KLF13: variants seen among roughly 807,000 people sequenced by gnomAD.
The protein encoded by KLF13 is KLF transcription factor 13.
A neutral mutation model predicts 16.7 loss-of-function variants in KLF13; 8 were observed. The ratio of observed to expected loss-of-function variants is 0.48; its 90% CI spans 0.28 to 0.87. The LOEUF is 0.87. KLF13 is among the 40% of genes least tolerant of loss of function. KLF13 has a pLI of 0.10. For missense variants in KLF13, 447 were observed against 452.2 expected, an observed-to-expected ratio of 0.99 and a Z score of 0.10; for synonymous variants, 245 against 208.4, an observed-to-expected ratio of 1.18 and a Z score of -1.51.
At chr15:31,383,694 A>C (rs1259555602) in intron 1 of KLF13, among the ~76,000 whole-genome samples, 1 of 152,088 alleles carries the variant, frequency 6.6e-6, no homozygotes, top group African/African-American at 2.4e-5. Flanking sequence ...AGGTCAGGAG[A>C]TCGAGACCAT....
chr15:31,353,986 CA>C (rs2039259922), intron 1 of KLF13, among the ~76,000 whole-genome samples: 1 of 152,226 alleles, frequency 6.6e-6, no homozygotes, highest in African/African-American at 2.4e-5. Context: ...CTGAGCCCTT[CA>C]GACTCCAGGA....
chr15:31,369,420 C>G (rs1015373029), intron 1 of KLF13, among the ~76,000 whole-genome samples: 7 of 152,244 alleles, frequency 4.6e-5, no homozygotes, highest in African/African-American at 1.4e-4. Flanking sequence ...GGAAAAACCC[C>G]TAGAACCGAG....
chr15:31,428,816 A>AG (rs1475464217), intron 1 of KLF13, among the ~76,000 whole-genome samples: 14 of 148,304 alleles, frequency 9.4e-5, no homozygotes, highest in Non-Finnish European at 1.8e-4. Context: ...AAAAAAAAAA[A>AG]AAAAAAAAAG....
chr15:31,365,790 C>T (rs542537591), intron 1 of KLF13, among the ~76,000 whole-genome samples: 12 of 151,986 alleles, frequency 7.9e-5, no homozygotes, highest in Non-Finnish European at 1.6e-4. Flanking sequence ...GAGCTGGCTG[C>T]ATTTGCATGT....
chr15:31,329,058 T>C (rs1050089849), intron 1 of KLF13, among the ~76,000 whole-genome samples: 3 of 152,110 alleles, frequency 2.0e-5, no homozygotes, highest in Non-Finnish European at 2.9e-5. Context: ...GGGCCCAAGG[T>C]CTGCAGGTGA....
At chr15:31,410,582 A>AACACACACAC (rs71110871) in intron 1 of KLF13, among the ~76,000 whole-genome samples, 12 of 146,952 alleles carry the variant, frequency 8.2e-5, no homozygotes, top group Middle Eastern at 3.4e-3. Flanking sequence ...AACACCAACC[A>AACACACACAC]ACACACACAC....
Position 31,423,194 on chromosome 15 carries a change from T to TACGTATATATACGTATATATAC in KLF13, n.118-12175_118-12174insCGTATATATACGTATATATACA, listed in dbSNP as rs2040366071. On this transcript the variant is annotated intron_variant and non_coding_transcript_variant, in intron 1 of 1. Transcript: ENST00000558225. ...ATATATACATATATACGTATATATA[T>TACGTATATATACGTATATATAC]ATATCAGTAGCTCACTCAAATATAT... 3.5e-5 allele frequency among the ~76,000 whole-genome samples: 2 copies of TACGTATATATACGTATATATAC among 56,716 alleles called. 1 individual carries two copies. The highest frequency in any genetic ancestry group is 1.5e-4 in the African/African-American group (2 of 13,772). 37.2% of individuals were successfully genotyped at this position (56,716 alleles called of 152,430 possible).
intron 1 of KLF13, among the ~76,000 whole-genome samples, chr15:31,353,919 A>G (rs559156104): frequency 3.9e-5 from 6 of 152,328 alleles, no homozygotes; most frequent in South Asian, 2.1e-4. Context: ...TTCTGGGGAA[A>G]AAGTACACCC....
chr15:31,423,429 C>T (rs919241580), intron 1 of KLF13, among the ~76,000 whole-genome samples: 12 of 151,476 alleles, frequency 7.9e-5, no homozygotes, highest in South Asian at 6.3e-4. Flanking sequence ...GTCAGGAGTT[C>T]GAGACCAGGC....
chr15:31,396,994 C>T (rs1023072275), intron 2 of KLF13, among the ~76,000 whole-genome samples: 86 of 152,166 alleles, frequency 5.7e-4, no homozygotes, highest in African/African-American at 2.0e-3. Flanking sequence ...AGATCTCGTT[C>T]ACTGTCTGGG....
Position 31,375,593 on chromosome 15 carries a change from C to T in KLF13, c.*3294C>T, listed in dbSNP as rs6493629. On this transcript the variant is annotated 3_prime_UTR_variant, in exon 2 of 2. Coordinates refer to ENST00000307145, the MANE Select transcript of KLF13 (RefSeq NM_015995.4). ...CCCCTATAAAAGGCCTAAAATTGATCTGGGGCTCAGCCATCAAGGGGCTGG... is the reference window on the plus strand; with the variant it reads ...CCCCTATAAAAGGCCTAAAATTGATTTGGGGCTCAGCCATCAAGGGGCTGG... 89,528 of 151,898 alleles carry T rather than the reference C, an allele frequency of 0.59. 26,461 individuals carry two copies. Among genetic ancestry groups the T allele is most frequent in the Admixed American group, 0.65 (9,933 of 15,276 alleles). The allele number at this position is 151,898 out of a possible 1,614,324, so 9.4% of individuals were successfully genotyped here.
rs1438081063 is a variant in KLF13 at position 31,376,594 on chromosome 15, C to T, written c.*4295C>T. 6.5e-6 allele frequency: 1 copy of T among 152,676 alleles called. No homozygotes were observed. The highest frequency in any genetic ancestry group is 1.5e-5 in the Non-Finnish European group (1 of 68,064). 9.5% of individuals were successfully genotyped at this position (152,676 alleles called of 1,614,324 possible). On this transcript the variant is annotated 3_prime_UTR_variant, in exon 2 of 2. Transcript: ENST00000307145. Reference sequence around the variant, plus strand: ...ATTACTAATTTTCCTGATTCTGAGGCTCTGAAGGCTTGTCTGAGACACATT... The same window carrying T: ...ATTACTAATTTTCCTGATTCTGAGGTTCTGAAGGCTTGTCTGAGACACATT...
intron 1 of KLF13, among the ~76,000 whole-genome samples, chr15:31,334,349 G>A (rs189270121): frequency 2.6e-4 from 40 of 152,284 alleles, no homozygotes; most frequent in Non-Finnish European, 4.9e-4. Flanking sequence ...TCTAAGTCCT[G>A]GTGAGTCTTT....
chr15:31,365,973 T>TC (rs71110869), intron 1 of KLF13, among the ~76,000 whole-genome samples: 152,110 of 152,252 alleles, frequency 1, 75,984 homozygotes, highest in Non-Finnish European at 1. Context: ...GACGCTGTGT[T>TC]CCTGATAAGA....
intron 2 of KLF13, among the ~76,000 whole-genome samples, chr15:31,393,909 G>C (rs1395746298): frequency 6.6e-6 from 1 of 152,134 alleles, no homozygotes; most frequent in African/African-American, 2.4e-5. Flanking sequence ...GTGGAGAGGT[G>C]GGGGGACAGG....
chr15:31,423,104 TAC>T (rs1230729453), intron 1 of KLF13, among the ~76,000 whole-genome samples: 1 of 108,844 alleles, frequency 9.2e-6, no homozygotes, highest in Non-Finnish European at 1.8e-5. Context: ...TATATACGTA[TAC>T]GTATACGTAT....
intron 1 of KLF13, among the ~76,000 whole-genome samples, chr15:31,412,036 T>C (rs984441093): frequency 2.2e-4 from 33 of 152,182 alleles, no homozygotes; most frequent in African/African-American, 8.0e-4. Context: ...GGAAGTTATA[T>C]ATTGAAACTG....
intron 1 of KLF13, 87 bp from the exon 2 acceptor site, chr15:31,371,923 G>T (rs2039560394): frequency 1.4e-6 from 2 of 1,400,454 alleles, no homozygotes; most frequent in South Asian, 2.7e-5. Context: ...GAGAGACCAG[G>T]GTGTTGGGTG....
chr15:31,372,586 C>G lies in KLF13; in HGVS notation c.*287C>G, dbSNP rs1053872408. ...GTTTCACGAGGTCAGTGAGGACACC[C>G]CTTCCTGCCGCCTTACTCTGTACAT... On this transcript the variant is annotated 3_prime_UTR_variant, in exon 2 of 2. Transcript: ENST00000307145. 2.2e-6 allele frequency: 1 copy of G among 449,576 alleles called. No individual in the cohort carries two copies. The highest frequency in any genetic ancestry group is 4.0e-5 in the Admixed American group (1 of 24,966). 27.8% of individuals were successfully genotyped at this position (449,576 alleles called of 1,614,324 possible).
Sources: gnomAD v4.1 joint callset for allele counts (sites outside exome capture counted in the v4.1 genomes callset) on GRCh38, gnomAD v4.1.1 for gene constraint, MANE v1.5 for transcripts, NCBI Gene and HGNC (gene_info 2026-07-23, HGNC 2026-07-21) for gene names.